CLIP1: variants seen among roughly 807,000 people sequenced by gnomAD.
The protein encoded by CLIP1 is CAP-Gly domain-containing linker protein 1.
In CLIP1, 66 loss-of-function variants were observed where a neutral mutation model predicts 161.6. That is an observed-to-expected ratio of 0.41 (90% CI 0.33 to 0.50). CLIP1 has a LOEUF of 0.50. Ranked by LOEUF, CLIP1 falls within the 20% of genes least tolerant of loss-of-function variation. CLIP1 has a pLI of 0.27. For synonymous variants in CLIP1, 598 were observed against 626.2 expected (o/e 0.96, Z 0.67); for missense variants, 1,376 against 1,702.0 (o/e 0.81, Z 3.37).
rs545870412 is a variant in CLIP1 at position 122,271,820 on chromosome 12, C to G, written c.*1055G>C. 2 of 152,464 alleles carry G rather than the reference C, an allele frequency of 1.3e-5. No homozygotes were observed. Among genetic ancestry groups the G allele is most frequent in the African/African-American group, 4.8e-5 (2 of 41,382 alleles). The allele number at this position is 152,464 out of a possible 1,614,324, so 9.4% of individuals were successfully genotyped here. A position where few individuals can be genotyped will look rare whatever the true frequency, so the allele number is the denominator to read the frequency against. ...GAATTATTAACGTTGAATTTCTCATCGTACATTCATCTAAAAACAGTAAAA... is the reference window on the plus strand; with the variant it reads ...GAATTATTAACGTTGAATTTCTCATGGTACATTCATCTAAAAACAGTAAAA... On this transcript the variant is annotated 3_prime_UTR_variant, in exon 26 of 26. Transcript: ENST00000620786.
At chr12:122,410,458 C>CTTTT (rs34639257) in intron 1 of CLIP1, among the ~76,000 whole-genome samples, 1 of 119,484 alleles carries the variant, frequency 8.4e-6, no homozygotes, top group Admixed American at 9.1e-5. Flanking sequence ...CACACACACA[C>CTTTT]TTTTTTTTTT....
At chr12:122,393,564 C>G (rs114775642) in intron 1 of CLIP1, among the ~76,000 whole-genome samples, 2,345 of 152,246 alleles carry the variant, frequency 0.015, 52 homozygotes, top group African/African-American at 0.05. Flanking sequence ...TTTGAAAGGG[C>G]ATACACCTAG....
At chr12:122,359,948 A>G (rs1352300647) in intron 5 of CLIP1, among the ~76,000 whole-genome samples, 3 of 152,236 alleles carry the variant, frequency 2.0e-5, no homozygotes, top group African/African-American at 7.2e-5. Context: ...ACTTATGGGC[A>G]GGGCTTTGAC....
intron 1 of CLIP1, among the ~76,000 whole-genome samples, chr12:122,420,033 A>C (rs2137246006): frequency 6.6e-6 from 1 of 151,932 alleles, no homozygotes; most frequent in South Asian, 2.1e-4. Flanking sequence ...CTAGGTAAAA[A>C]AAATTTTTTT....
chr12:122,293,322 A>G (rs1456254286), intron 20 of CLIP1, among the ~76,000 whole-genome samples: 1 of 152,172 alleles, frequency 6.6e-6, no homozygotes, highest in Non-Finnish European at 1.5e-5. Context: ...CCTCCATCCC[A>G]GTGGTTCCCT....
At chr12:122,408,449 C>T (rs190880243) in intron 1 of CLIP1, among the ~76,000 whole-genome samples, 6 of 151,842 alleles carry the variant, frequency 4.0e-5, no homozygotes, top group African/African-American at 7.2e-5. Flanking sequence ...CCCAGGTTCA[C>T]GCCATTCTTC....
At chr12:122,352,834 C>G (rs181650831) in intron 7 of CLIP1, 48 bp from the exon 8 acceptor site, 1 of 1,485,252 alleles carries the variant, frequency 6.7e-7, no homozygotes, top group Non-Finnish European at 9.4e-7. Context: ...AAGTAACACA[C>G]AGCCTTTAAA....
chr12:122,289,005 A>T (rs1346392321), intron 20 of CLIP1, among the ~76,000 whole-genome samples: 1 of 150,350 alleles, frequency 6.7e-6, no homozygotes, highest in Non-Finnish European at 1.5e-5. Flanking sequence ...TTTAGTAGAG[A>T]CGGGTTTTCA....
chr12:122,382,977 T>C (rs1446124004), intron 1 of CLIP1, among the ~76,000 whole-genome samples: 2 of 152,136 alleles, frequency 1.3e-5, no homozygotes, highest in African/African-American at 2.4e-5. Flanking sequence ...ACCACACAGC[T>C]TGCAAGTTTC....
At chr12:122,275,879 G>A (rs887140102) in intron 24 of CLIP1, 11 of 152,238 alleles carry the variant, frequency 7.2e-5, no homozygotes, top group African/African-American at 2.7e-4. Context: ...GAGACAGCCA[G>A]GCACGCCAAC....
chr12:122,383,737 C>T (rs775942706), intron 1 of CLIP1, among the ~76,000 whole-genome samples: 7 of 152,058 alleles, frequency 4.6e-5, no homozygotes, highest in Non-Finnish European at 8.8e-5. Flanking sequence ...AAGTCTTTGT[C>T]ATGGTACCCA....
intron 17 of CLIP1, among the ~76,000 whole-genome samples, chr12:122,327,706 T>A (rs1315112077): frequency 6.6e-6 from 1 of 151,980 alleles, no homozygotes; most frequent in African/African-American, 2.4e-5. Flanking sequence ...GGGTGATGGC[T>A]ACACAGTCCA....
chr12:122,356,628 C>CACGG (rs1566164475), intron 5 of CLIP1, among the ~76,000 whole-genome samples: 5 of 151,516 alleles, frequency 3.3e-5, no homozygotes, highest in Non-Finnish European at 7.4e-5. Context: ...CCCTCTCTCC[C>CACGG]TCTCCCTCTC....
chr12:122,304,974 AT>A (rs1479252642), intron 20 of CLIP1, among the ~76,000 whole-genome samples: 1 of 152,224 alleles, frequency 6.6e-6, no homozygotes, highest in Non-Finnish European at 1.5e-5. Context: ...ATCAATTTAG[AT>A]GCTAACCCCA....
chr12:122,314,327 T>C (rs1209219995), intron 19 of CLIP1, among the ~76,000 whole-genome samples: 3 of 148,098 alleles, frequency 2.0e-5, no homozygotes, highest in African/African-American at 7.5e-5. Flanking sequence ...AAAAATTAGC[T>C]GGGCATGGCG....
intron 12 of CLIP1, 130 bp downstream of exon 12, chr12:122,336,502 A>C: frequency 1.6e-6 from 1 of 625,886 alleles, no homozygotes; most frequent in Non-Finnish European, 2.8e-6. Flanking sequence ...TCAGCCAATA[A>C]CTAATACACT....
intron 1 of CLIP1, among the ~76,000 whole-genome samples, chr12:122,421,898 G>A (rs1298572107): frequency 1.3e-5 from 2 of 152,236 alleles, no homozygotes; most frequent in Non-Finnish European, 2.9e-5. Flanking sequence ...CGGATTACCG[G>A]GCAGCGGTGT....
At chr12:122,345,270 G>A (rs1213004066) in intron 10 of CLIP1, among the ~76,000 whole-genome samples, 2 of 151,604 alleles carry the variant, frequency 1.3e-5, no homozygotes, top group Non-Finnish European at 2.9e-5. Flanking sequence ...CGACCTCCTG[G>A]GCTCAAGAGA....
At position 122,355,117 on chromosome 12, in the gene CLIP1, G is replaced by T; in HGVS notation, c.1201C>A (p.Gln401Lys). 6.2e-7 allele frequency: 1 copy of T among 1,613,858 alleles called. No homozygotes were observed. Among genetic ancestry groups the T allele is most frequent in the South Asian group, 1.1e-5 (1 of 91,060 alleles). ...ELALARDGHD[Q>K]HVLELEAKMD... ...CCGCAACAAGGTCCAGACTTCACCT[G>T]GTCATGTCCGTCCCGGGCCAGAGCT... The change falls in exon 6 of 26, where the codon CAG becomes AAG. Residue 401 changes from glutamine to lysine, a missense_variant and splice_region_variant. Physicochemically the swap from Gln to Lys is moderately conservative, Grantham distance 53. Coordinates refer to ENST00000620786, the MANE Select transcript of CLIP1 (RefSeq NM_001247997.2). This position sits in a 1 kb window ranked among gnomAD's most constrained non-coding sequence, Gnocchi z 4.1.
Sources: allele counts gnomAD v4.1 joint callset (sites outside exome capture counted in the v4.1 genomes callset), GRCh38; gene constraint gnomAD v4.1.1; non-coding constraint Gnocchi (gnomAD v3.1); transcripts MANE v1.5; gene names NCBI Gene and HGNC (gene_info 2026-07-23, HGNC 2026-07-21).